LUZP2: variants seen among roughly 807,000 people sequenced by gnomAD.
The protein encoded by LUZP2 is leucine zipper protein 2.
A neutral mutation model predicts 51.6 loss-of-function variants in LUZP2; 52 were observed. The ratio of observed to expected loss-of-function variants is 1.01; its 90% confidence interval spans 0.81 to 1.27. The LOEUF (loss-of-function observed/expected upper bound fraction) is 1.27. LUZP2 is among the 50% of genes most tolerant of loss of function. LUZP2 has a pLI of 0.00. For missense variants in LUZP2, 436 were observed against 395.4 expected (o/e 1.10, Z -0.87); for synonymous variants, 154 against 137.3 (o/e 1.12, Z -0.85).
At chr11:24,683,436 A>T (rs1035602469) in intron 1 of LUZP2, among the ~76,000 whole-genome samples, 11 of 152,184 alleles carry the variant, frequency 7.2e-5, no homozygotes, top group Non-Finnish European at 1.0e-4. Flanking sequence ...TACTGAAAAC[A>T]TGTTCATCTA....
intron 1 of LUZP2, among the ~76,000 whole-genome samples, chr11:24,613,316 G>A (rs528853807): frequency 3.9e-4 from 58 of 150,138 alleles, no homozygotes; most frequent in Middle Eastern, 3.4e-3. Context: ...GTGTGTGGAT[G>A]TGCATGGGTG....
At chr11:25,055,982 A>G (rs1001228494) in intron 10 of LUZP2, among the ~76,000 whole-genome samples, 4 of 152,166 alleles carry the variant, frequency 2.6e-5, no homozygotes, top group Admixed American at 2.6e-4. Flanking sequence ...ACTACTTTCC[A>G]TTCCCTTATG....
chr11:24,696,342 T>G (rs10834433), intron 1 of LUZP2, among the ~76,000 whole-genome samples: 38,626 of 152,028 alleles, frequency 0.25, 5,675 homozygotes, highest in Middle Eastern at 0.37. Context: ...GTAAACTCAT[T>G]AAACAAAGAT....
intron 8 of LUZP2, among the ~76,000 whole-genome samples, chr11:24,981,822 C>T (rs373434377): frequency 6.6e-6 from 1 of 151,854 alleles, no homozygotes; most frequent in African/African-American, 2.4e-5. Flanking sequence ...AGTAAACAGA[C>T]AACCTATAGA....
intron 1 of LUZP2, among the ~76,000 whole-genome samples, chr11:24,627,242 G>T (rs1465473960): frequency 6.6e-6 from 1 of 152,110 alleles, no homozygotes; most frequent in Non-Finnish European, 1.5e-5. Context: ...ATAGGCAAAG[G>T]TTTGTTAAAT....
chr11:24,973,729 T>C (rs560149375), intron 7 of LUZP2, among the ~76,000 whole-genome samples: 30 of 152,240 alleles, frequency 2.0e-4, no homozygotes, highest in Admixed American at 9.8e-4. Flanking sequence ...AATTTCTATG[T>C]AGTTTTGTGG....
intron 1 of LUZP2, among the ~76,000 whole-genome samples, chr11:24,583,486 G>A (rs1203931169): frequency 6.8e-6 from 1 of 146,686 alleles, no homozygotes; most frequent in Non-Finnish European, 1.5e-5. Flanking sequence ...ATAAGTAAAT[G>A]CTATCATTTG....
intron 1 of LUZP2, among the ~76,000 whole-genome samples, chr11:24,601,954 G>T (rs1035779521): frequency 2.3e-5 from 3 of 129,214 alleles, no homozygotes; most frequent in Non-Finnish European, 3.2e-5. Context: ...ATGTATAAAT[G>T]TATATATGTA....
intron 6 of LUZP2, among the ~76,000 whole-genome samples, chr11:24,910,557 A>G (rs986113370): frequency 7.2e-5 from 11 of 152,198 alleles, no homozygotes; most frequent in African/African-American, 2.7e-4. Flanking sequence ...ATTAATTCAG[A>G]GGGTGCAAGC....
intron 1 of LUZP2, among the ~76,000 whole-genome samples, chr11:24,537,929 G>A (rs1297323437): frequency 6.6e-6 from 1 of 151,796 alleles, no homozygotes; most frequent in Admixed American, 6.6e-5. Flanking sequence ...TTGTTAGCTG[G>A]CAGAGACACA....
intron 5 of LUZP2, among the ~76,000 whole-genome samples, chr11:24,830,844 A>T (rs1850680043): frequency 6.6e-6 from 1 of 151,878 alleles, no homozygotes; most frequent in Non-Finnish European, 1.5e-5. Flanking sequence ...AATACAAAAA[A>T]TTAGCCGGGT....
intron 5 of LUZP2, among the ~76,000 whole-genome samples, chr11:24,846,962 T>C (rs570846552): frequency 1.3e-4 from 20 of 151,718 alleles, no homozygotes; most frequent in Non-Finnish European, 2.2e-4. Flanking sequence ...TGTACGTATA[T>C]GTATATATAC....
intron 1 of LUZP2, among the ~76,000 whole-genome samples, chr11:24,597,856 T>C (rs867289864): frequency 1.1e-4 from 16 of 152,120 alleles, no homozygotes; most frequent in African/African-American, 3.6e-4. Flanking sequence ...AATCCTAGCA[T>C]TTTTGGAGGC....
Position 24,944,489 on chromosome 11 carries a change from G to C in LUZP2, c.522+29951G>C, listed in dbSNP as rs907487417. Reference sequence around the variant, plus strand: ...CTTATAAAATATGCAGAGAGAAAGAGAGACTGGAAATATGTGTGAGAATTG... The same window carrying C: ...CTTATAAAATATGCAGAGAGAAAGACAGACTGGAAATATGTGTGAGAATTG... On this transcript the variant is annotated intron_variant, in intron 7 of 11. Coordinates refer to ENST00000336930, the MANE Select transcript of LUZP2 (RefSeq NM_001009909.4). 2.0e-5 allele frequency among the ~76,000 whole-genome samples: 3 copies of C among 152,312 alleles called. No individual in the cohort carries two copies. In the East Asian group the frequency reaches 5.8e-4, roughly 29 times the overall value.
intron 5 of LUZP2, among the ~76,000 whole-genome samples, chr11:24,826,390 A>G (rs1054616211): frequency 6.6e-6 from 1 of 151,594 alleles, no homozygotes; most frequent in African/African-American, 2.4e-5. Flanking sequence ...CTGTCAGTGA[A>G]TTGGGAGATT....
intron 1 of LUZP2, among the ~76,000 whole-genome samples, chr11:24,687,634 T>A (rs1021218063): frequency 3.3e-5 from 5 of 152,124 alleles, no homozygotes; most frequent in African/African-American, 1.2e-4. Flanking sequence ...CAGAACTTAT[T>A]TGCAAACTTG....
chr11:24,718,572 C>A (rs902202863), intron 1 of LUZP2, among the ~76,000 whole-genome samples: 1 of 95,840 alleles, frequency 1.0e-5, no homozygotes, highest in Admixed American at 1.1e-4. Flanking sequence ...AATTTCTTAA[C>A]CATTGGTGAT....
At chr11:24,774,360 C>CTATATATA (rs1485638353) in intron 5 of LUZP2, among the ~76,000 whole-genome samples, 6 of 76,172 alleles carry the variant, frequency 7.9e-5, no homozygotes, top group African/African-American at 3.4e-4. Flanking sequence ...CTCTCTCTCT[C>CTATATATA]TCTATATATA....
At chr11:25,040,084 A>C (rs917147087) in intron 9 of LUZP2, among the ~76,000 whole-genome samples, 3 of 152,136 alleles carry the variant, frequency 2.0e-5, no homozygotes, top group Non-Finnish European at 2.9e-5. Context: ...AACCAACAGA[A>C]ATTTCTAGAA....
Sources: gnomAD v4.1 joint callset for allele counts (sites outside exome capture counted in the v4.1 genomes callset) on GRCh38, gnomAD v4.1.1 for gene constraint, MANE v1.5 for transcripts, NCBI Gene and HGNC (gene_info 2026-07-23, HGNC 2026-07-21) for gene names.